Variants in TMEFF1 observed in about 807,000 individuals in gnomAD.
TMEFF1 encodes transmembrane protein with EGF like and two follistatin like domains 1.
In TMEFF1, 20 loss-of-function variants were observed where a neutral mutation model predicts 47.5. The observed-to-expected ratio is 0.42, with a 90% CI of 0.30 to 0.61. TMEFF1 has a LOEUF of 0.61. TMEFF1 is among the 20% of genes least tolerant of loss of function. The pLI is 0.19. For missense variants in TMEFF1, 411 were observed against 471.1 expected (o/e 0.87, Z 1.18); for synonymous variants, 162 against 166.3 (o/e 0.97, Z 0.20).
In TMEFF1 at chr9:100,531,403, A is replaced by T. The variant is rs185007958; in HGVS notation, c.560+14632A>T. 4.2e-3 allele frequency among the ~76,000 whole-genome samples: 639 copies of T among 152,348 alleles called. 9 individuals are homozygous for T. Among genetic ancestry groups the T allele is most frequent in the East Asian group, 0.033 (173 of 5,190 alleles). ...CTTCAGCAAAGTCTCAGGATACAAA[A>T]TCAGTGTACAAAAATCACAAGCATT... On this transcript the variant is annotated intron_variant, in intron 5 of 9. Coordinates refer to ENST00000374879, the MANE Select transcript of TMEFF1 (RefSeq NM_003692.5).
At chr9:100,543,704 A>AACACACACACACAC (rs36046142) in intron 5 of TMEFF1, among the ~76,000 whole-genome samples, 16 of 138,824 alleles carry the variant, frequency 1.2e-4, no homozygotes, top group African/African-American at 4.3e-4. Context: ...GATGAAGTAA[A>AACACACACACACAC]ACACACACAC....
At chr9:100,572,164 T>G (rs574828601) in intron 8 of TMEFF1, among the ~76,000 whole-genome samples, 11 of 152,226 alleles carry the variant, frequency 7.2e-5, no homozygotes, top group African/African-American at 2.4e-4. Context: ...TTAAGCAAAT[T>G]TAATTTAAAA....
In TMEFF1 at chr9:100,522,910, A is replaced by AT. The variant is rs1027904919; in HGVS notation, c.560+6148dup. 6.8e-4 allele frequency among the ~76,000 whole-genome samples: 102 copies of AT among 149,278 alleles called. 1 individual carries two copies. The highest frequency in any genetic ancestry group is 6.0e-4 in the East Asian group (3 of 5,008). Reference sequence around the variant, plus strand: ...CCACCACACCCAGCTAATTTTTTGTATTTTTTTTTAGTAGGGATGGGGTTT... The same window carrying AT: ...CCACCACACCCAGCTAATTTTTTGTATTTTTTTTTTAGTAGGGATGGGGTTT... On this transcript the variant is annotated intron_variant, in intron 5 of 9. Transcript: ENST00000374879.
chr9:100,552,039 G>A (rs1056783884), intron 7 of TMEFF1, among the ~76,000 whole-genome samples: 5 of 152,166 alleles, frequency 3.3e-5, no homozygotes, highest in Non-Finnish European at 7.3e-5. Context: ...GACAGGATGT[G>A]TTGGAGAAAG....
At chr9:100,483,239 G>A (rs930429760) in intron 1 of TMEFF1, among the ~76,000 whole-genome samples, 5 of 152,178 alleles carry the variant, frequency 3.3e-5, no homozygotes, top group Non-Finnish European at 7.3e-5. Context: ...GCTCATGCCT[G>A]TGATCCCAGC....
intron 5 of TMEFF1, among the ~76,000 whole-genome samples, chr9:100,532,678 G>A (rs1164403706): frequency 1.3e-5 from 2 of 151,616 alleles, no homozygotes; most frequent in South Asian, 2.1e-4. Context: ...AAGTCAGTGT[G>A]GCGATTCCTC....
rs1837164299 is a variant in TMEFF1, at chr9:100,473,721, C to T, written c.177C>T (p.Gly59=). The change falls in exon 1 of 10, where the codon GGC becomes GGT. Residue 59 remains glycine (G), a synonymous_variant. Coordinates refer to ENST00000374879, the MANE Select transcript of TMEFF1 (RefSeq NM_003692.5). The surrounding 1 kb of genome is among the most constrained non-coding windows in gnomAD (Gnocchi z 5.4). The part of the protein sequence containing the change: ...GSGGDCPGGK[G]KSINCSELNV... Reference sequence around the variant, plus strand: ...GCGGGGACTGTCCCGGCGGCAAAGGCAAGAGCATCAACTGCTCAGGTAGGA... The same window carrying T: ...GCGGGGACTGTCCCGGCGGCAAAGGTAAGAGCATCAACTGCTCAGGTAGGA... The T allele has an allele frequency of 6.5e-7, 1 of 1,529,822 alleles. No homozygotes were observed. The allele number at this position is 1,529,822 out of a possible 1,614,324, so 94.8% of individuals were successfully genotyped here. A position where few individuals can be genotyped will look rare whatever the true frequency, so the allele number is the denominator to read the frequency against.
At chr9:100,514,913 T>C (rs1215027226) in intron 4 of TMEFF1, among the ~76,000 whole-genome samples, 1 of 152,024 alleles carries the variant, frequency 6.6e-6, no homozygotes, top group East Asian at 1.9e-4. Context: ...GAGAATTGCT[T>C]GAACCCAGGA....
intron 1 of TMEFF1, among the ~76,000 whole-genome samples, chr9:100,489,035 C>A (rs1174064575): frequency 6.6e-6 from 1 of 152,006 alleles, no homozygotes; most frequent in Admixed American, 6.6e-5. Flanking sequence ...ATTTCTATCA[C>A]CCCAGAAAGT....
At chr9:100,504,439 C>G (rs970979083) in intron 2 of TMEFF1, among the ~76,000 whole-genome samples, 5 of 152,196 alleles carry the variant, frequency 3.3e-5, no homozygotes, top group African/African-American at 9.6e-5. Context: ...ACTGACTTAA[C>G]TTGAGTGTGT....
intron 1 of TMEFF1, among the ~76,000 whole-genome samples, chr9:100,474,225 G>C (rs1389115929): frequency 6.6e-6 from 1 of 151,270 alleles, no homozygotes; most frequent in Non-Finnish European, 1.5e-5. Context: ...GTGCTGGGGA[G>C]ATTCTTCCTT....
intron 7 of TMEFF1, among the ~76,000 whole-genome samples, chr9:100,551,905 G>T (rs978607462): frequency 6.6e-6 from 1 of 152,234 alleles, no homozygotes; most frequent in Admixed American, 6.5e-5. Flanking sequence ...GTGGGGAACA[G>T]TGGGAATCTG....
chr9:100,473,832 C>A lies in TMEFF1; in HGVS notation c.196+92C>A, dbSNP rs35255178. The A allele has an allele frequency of 0.03, 40,673 of 1,350,192 alleles. 715 individuals are homozygous for A. Among genetic ancestry groups the A allele is most frequent in the Middle Eastern group, 0.043 (155 of 3,634 alleles). The allele number at this position is 1,350,192 out of a possible 1,614,324, so 83.6% of individuals were successfully genotyped here. A position where few individuals can be genotyped will look rare whatever the true frequency, so the allele number is the denominator to read the frequency against. On this transcript the variant is annotated intron_variant, in intron 1 of 9. Coordinates refer to ENST00000374879, the MANE Select transcript of TMEFF1 (RefSeq NM_003692.5). This position sits in a 1 kb window ranked among gnomAD's most constrained non-coding sequence, Gnocchi z 5.4. ...GCGGTCGGCCGGGCTGGGAAAGACC[C>A]CGTCGTGGGGGTCCCAGGGGTGGGC...
At chr9:100,493,898 A>G (rs1368380061) in intron 1 of TMEFF1, among the ~76,000 whole-genome samples, 2 of 152,174 alleles carry the variant, frequency 1.3e-5, no homozygotes. Context: ...TTTGTTAGAA[A>G]TCAGCTGGGT....
intron 1 of TMEFF1, 77 bp from the exon 2 acceptor site, chr9:100,498,688 C>CACACACACACGCGCACAG: frequency 7.5e-7 from 1 of 1,340,710 alleles, no homozygotes; most frequent in Non-Finnish European, 1.0e-6. Flanking sequence ...TTTTCATACA[C>CACACACACACGCGCACAG]ACACACACAC....
At chr9:100,497,286 T>G (rs1431900467) in intron 1 of TMEFF1, among the ~76,000 whole-genome samples, 1 of 151,446 alleles carries the variant, frequency 6.6e-6, no homozygotes, top group Non-Finnish European at 1.5e-5. Context: ...AATGCTTGTG[T>G]TAGCTTTCTC....
At position 100,561,496 on chromosome 9, in the gene TMEFF1, A is replaced by C. The variant is rs552680329; in HGVS notation, c.875A>C (p.Tyr292Ser). Residue 292 changes from tyrosine to serine, a missense_variant, in exon 8 of 10, where the codon TAT becomes TCT. By Grantham distance (144) the Tyr-to-Ser change is moderately radical. Transcript: ENST00000374879. The stretch of plus-strand genomic sequence containing the variant: ...ATCCATGGAAAATGTGAATTCATCT[A>C]TTCTACTCAGAAGGCTTCTTGTAGG... ...YCIHGKCEFI[Y>S]STQKASCRCE... 1.2e-6 allele frequency: 2 copies of C among 1,613,712 alleles called. No individual in the cohort carries two copies. Among genetic ancestry groups the C allele is most frequent in the South Asian group, 1.1e-5 (1 of 91,028 alleles).
chr9:100,485,268 T>C (rs1399793130), intron 1 of TMEFF1, among the ~76,000 whole-genome samples: 1 of 152,248 alleles, frequency 6.6e-6, no homozygotes, highest in Non-Finnish European at 1.5e-5. Flanking sequence ...TGGATATTCA[T>C]GTACAAGTTT....
At position 100,549,346 on chromosome 9, in the gene TMEFF1, A is replaced by AT. The variant is rs530345726; in HGVS notation, c.710-748dup. The stretch of plus-strand genomic sequence containing the variant: ...CTATTATGAGAACAGCGAGAGGGAA[A>AT]TCTGCCCCCCATGATCCAGTCACCT... On this transcript the variant is annotated intron_variant, in intron 6 of 9. Coordinates refer to ENST00000374879, the MANE Select transcript of TMEFF1 (RefSeq NM_003692.5). 1.1e-3 allele frequency among the ~76,000 whole-genome samples: 164 copies of AT among 152,264 alleles called. 1 individual carries two copies. The highest frequency in any genetic ancestry group is 3.9e-3 in the African/African-American group (161 of 41,566).
Sources: allele counts gnomAD v4.1 joint callset (sites outside exome capture counted in the v4.1 genomes callset), GRCh38; gene constraint gnomAD v4.1.1; non-coding constraint Gnocchi (gnomAD v3.1); transcripts MANE v1.5; gene names NCBI Gene and HGNC (gene_info 2026-07-23, HGNC 2026-07-21).